PCDHAC2: variants seen among roughly 807,000 people sequenced by gnomAD.
PCDHAC2 encodes the protein protocadherin alpha subfamily C, 2, also known as protocadherin alpha-C2.
PCDHAC2 carries 24 observed loss-of-function variants against 63.3 expected under a neutral mutation model. The observed-to-expected ratio is 0.38, with a 90% CI of 0.27 to 0.53. The LOEUF is 0.53. PCDHAC2 is among the 20% of genes least tolerant of loss of function. The probability of loss-of-function intolerance (pLI) is 0.81; values close to 1 mark genes in which losing one functional copy is unlikely to be tolerated. For synonymous variants in PCDHAC2, 569 were observed against 529.4 expected (o/e 1.07, Z -1.03); for missense variants, 1,181 against 1,275.2 (o/e 0.93, Z 1.12).
chr5:140,994,954 T>C (rs2097657181), intron 3 of PCDHAC2, among the ~76,000 whole-genome samples: 1 of 152,230 alleles, frequency 6.6e-6, no homozygotes, highest in Non-Finnish European at 1.5e-5. Flanking sequence ...AAATAATTTG[T>C]AGTTTCATTT....
At chr5:140,984,307 G>T (rs2153833813) in intron 3 of PCDHAC2, among the ~76,000 whole-genome samples, 1 of 152,288 alleles carries the variant, frequency 6.6e-6, no homozygotes, top group Non-Finnish European at 1.5e-5. Context: ...GCTGGTTGGT[G>T]TGTATTCCTA....
chr5:141,003,252 TGGGCAGTGCCTAA>T (rs2098117217), intron 3 of PCDHAC2, among the ~76,000 whole-genome samples: 1 of 152,236 alleles, frequency 6.6e-6, no homozygotes, highest in South Asian at 2.1e-4. Context: ...AAAAGATTCC[TGGGCAGTGCCTAA>T]GGGAAGTGCC....
In PCDHAC2 at chr5:140,967,756, C is replaced by T. The variant is rs1554229911; in HGVS notation, c.990C>T (p.Ser330=). The T allele has an allele frequency of 1.2e-6, 2 of 1,614,216 alleles. No homozygotes were observed. The highest frequency in any genetic ancestry group is 1.6e-4 in the Middle Eastern group (1 of 6,062). ...GGCTGGATTATGAGGAAGCCTCCTCCTACCAGATCTATGTGCAGGCGACTG... is the reference window on the plus strand; with the variant it reads ...GGCTGGATTATGAGGAAGCCTCCTCTTACCAGATCTATGTGCAGGCGACTG... ...IGGLDYEEAS[S]YQIYVQATDR... is the part of the protein sequence containing the mutation. The change falls in exon 1 of 4, where the codon TCC becomes TCT. Residue 330 remains serine (S), a synonymous_variant. Transcript: ENST00000289269.
chr5:140,970,847 C>A (rs2096437224), intron 1 of PCDHAC2, among the ~76,000 whole-genome samples: 1 of 149,802 alleles, frequency 6.7e-6, no homozygotes, highest in Non-Finnish European at 1.5e-5. Context: ...TGCACAGGCA[C>A]AAAAGTTCCA....
At chr5:141,002,583 C>T (rs781898349) in intron 3 of PCDHAC2, among the ~76,000 whole-genome samples, 6 of 152,176 alleles carry the variant, frequency 3.9e-5, no homozygotes, top group Non-Finnish European at 7.3e-5. Context: ...GACCATTAGT[C>T]CTTAGTCCCC....
In PCDHAC2 at chr5:141,011,970, C is replaced by T. The variant is rs975637071; in HGVS notation, c.*2033C>T. ...AGCATTAAATTTAAAAAAAAACTGT[C>T]TTGTCTACTTTTAGCTTCATTCTCC... On this transcript the variant is annotated 3_prime_UTR_variant, in exon 4 of 4. Coordinates refer to ENST00000289269, the MANE Select transcript of PCDHAC2 (RefSeq NM_018899.6). 6.5e-6 allele frequency: 1 copy of T among 153,576 alleles called. No homozygotes were observed. Among genetic ancestry groups the T allele is most frequent in the African/African-American group, 2.4e-5 (1 of 41,406 alleles). The allele number at this position is 153,576 out of a possible 1,614,324, so 9.5% of individuals were successfully genotyped here.
rs782226153 is a variant in PCDHAC2 at position 140,969,054 on chromosome 5, A to G, written c.2288A>G (p.Asn763Ser). ...GAACTGTACAAACAAGCCAACAACA[A>G]TATTGATGCCAGGATACCGCATGGC... ...PAELYKQANNNIDARIPHGLK... is the reference protein window; with the variant it reads ...PAELYKQANNSIDARIPHGLK... The change falls in exon 1 of 4, where the codon AAT becomes AGT. Residue 763 changes from asparagine (N) to serine (S), a missense_variant. Physicochemically the swap from Asn to Ser is conservative, Grantham distance 46 (BLOSUM62 1). Coordinates refer to ENST00000289269, the MANE Select transcript of PCDHAC2 (RefSeq NM_018899.6). 1 of 1,614,182 alleles carries G rather than the reference A, an allele frequency of 6.2e-7. No individual in the cohort carries two copies. The highest frequency in any genetic ancestry group is 1.1e-5 in the South Asian group (1 of 91,084).
rs1316555766 is a variant in PCDHAC2, at chr5:141,011,101, T to C, written c.*1164T>C. 1.3e-5 allele frequency: 2 copies of C among 153,710 alleles called. No homozygotes were observed. The highest frequency in any genetic ancestry group is 2.9e-5 in the Non-Finnish European group (2 of 68,016). The allele number at this position is 153,710 out of a possible 1,614,324, so 9.5% of individuals were successfully genotyped here. A position where few individuals can be genotyped will look rare whatever the true frequency, so the allele number is the denominator to read the frequency against. On this transcript the variant is annotated 3_prime_UTR_variant, in exon 4 of 4. Coordinates refer to ENST00000289269, the MANE Select transcript of PCDHAC2 (RefSeq NM_018899.6). ...AATGATCTCTCTTTCTCTCTCTCTC[T>C]CTCTTTTCTAAGAAACAATTATGTG...
chr5:140,996,848 G>A (rs560517454), intron 3 of PCDHAC2, among the ~76,000 whole-genome samples: 1 of 152,254 alleles, frequency 6.6e-6, no homozygotes, highest in African/African-American at 2.4e-5. Flanking sequence ...TGCATCTTCA[G>A]AATTCTTTAT....
intron 3 of PCDHAC2, among the ~76,000 whole-genome samples, chr5:140,989,714 A>T (rs2097355942): frequency 6.6e-6 from 1 of 152,202 alleles, no homozygotes; most frequent in Non-Finnish European, 1.5e-5. Context: ...AGAGGCAGTC[A>T]GCTTTGCAGT....
intron 1 of PCDHAC2, among the ~76,000 whole-genome samples, chr5:140,974,549 T>C (rs373257165): frequency 6.6e-6 from 1 of 152,216 alleles, no homozygotes; most frequent in African/African-American, 2.4e-5. Context: ...TTTGCTCTTG[T>C]TGCCCAGGCT....
In PCDHAC2 at chr5:140,966,570, G is replaced by A; in HGVS notation, c.-197G>A. 2.0e-6 allele frequency: 1 copy of A among 501,774 alleles called. No homozygotes were observed. The highest frequency in any genetic ancestry group is 3.3e-6 in the Non-Finnish European group (1 of 301,180). The allele number at this position is 501,774 out of a possible 1,614,324, so 31.1% of individuals were successfully genotyped here. A position where few individuals can be genotyped will look rare whatever the true frequency, so the allele number is the denominator to read the frequency against. Reference sequence around the variant, plus strand: ...GCGAGCGGAGGAGCTGGAATATGGGGAGTCAGCGAGGACGGTGGGGCCAGG... The same window carrying A: ...GCGAGCGGAGGAGCTGGAATATGGGAAGTCAGCGAGGACGGTGGGGCCAGG... On this transcript the variant is annotated 5_prime_UTR_variant, in exon 1 of 4. Transcript: ENST00000289269.
At chr5:140,983,018 A>T (rs2097022598) in intron 3 of PCDHAC2, among the ~76,000 whole-genome samples, 1 of 152,096 alleles carries the variant, frequency 6.6e-6, no homozygotes, top group African/African-American at 2.4e-5. Flanking sequence ...GGAAGGAAGG[A>T]AGGAAGATGG....
At chr5:140,988,519 T>C (rs187868159) in intron 3 of PCDHAC2, among the ~76,000 whole-genome samples, 69 of 152,324 alleles carry the variant, frequency 4.5e-4, no homozygotes, top group African/African-American at 1.5e-3. Context: ...TACTTAAGTC[T>C]CTGCTGGCTC....
In PCDHAC2 at chr5:141,010,369, G is replaced by A. The variant is rs963959073; in HGVS notation, c.*432G>A. The A allele has an allele frequency of 1.8e-4, 270 of 1,474,338 alleles. No homozygotes were observed. The highest frequency in any genetic ancestry group is 7.1e-5 in the Non-Finnish European group (79 of 1,109,414). 91.3% of individuals were successfully genotyped at this position (1,474,338 alleles called of 1,614,324 possible). On this transcript the variant is annotated 3_prime_UTR_variant, in exon 4 of 4. Transcript: ENST00000289269. ...GTATGTGTGGCTACCGCGGGTATGCGAGTGCCAGATATTGGCTGAGACGAG... is the reference window on the plus strand; with the variant it reads ...GTATGTGTGGCTACCGCGGGTATGCAAGTGCCAGATATTGGCTGAGACGAG...
intron 1 of PCDHAC2, among the ~76,000 whole-genome samples, chr5:140,976,317 G>A (rs1284415282): frequency 6.6e-6 from 1 of 152,212 alleles, no homozygotes; most frequent in Admixed American, 6.5e-5. Context: ...TTGGGAGGCC[G>A]AGGAGGGTGG....
At position 140,968,218 on chromosome 5, in the gene PCDHAC2, A is replaced by C. The variant is rs1586280879; in HGVS notation, c.1452A>C (p.Pro484=). The part of the protein sequence containing the change: ...YSIYIQENNL[P]GVLLCTVQAT... ...TCTACATACAGGAGAACAATTTGCC[A>C]GGTGTGTTGCTCTGTACTGTGCAAG... Residue 484 remains proline (P), a synonymous_variant, in exon 1 of 4, where the codon CCA becomes CCC. Coordinates refer to ENST00000289269, the MANE Select transcript of PCDHAC2 (RefSeq NM_018899.6). The C allele has an allele frequency of 6.2e-7, 1 of 1,614,012 alleles. No individual in the cohort carries two copies.
At chr5:141,005,558 C>T (rs367751568) in intron 3 of PCDHAC2, among the ~76,000 whole-genome samples, 1 of 151,122 alleles carries the variant, frequency 6.6e-6, no homozygotes, top group Non-Finnish European at 1.5e-5. Context: ...AAAAATTAGC[C>T]GGGCATGGTG....
intron 3 of PCDHAC2, among the ~76,000 whole-genome samples, chr5:140,989,698 A>G (rs145222021): frequency 6.6e-6 from 1 of 152,344 alleles, no homozygotes; most frequent in African/African-American, 2.4e-5. Flanking sequence ...TGAAAATTTT[A>G]TCTTCAGAGG....
Sources: allele counts gnomAD v4.1 joint callset (sites outside exome capture counted in the v4.1 genomes callset), GRCh38; gene constraint gnomAD v4.1.1; transcripts MANE v1.5; gene names NCBI Gene and HGNC (gene_info 2026-07-23, HGNC 2026-07-21).